The following MPHOSPH8 variants were observed in gnomAD, a reference collection of about 807,000 sequenced individuals.
The protein encoded by MPHOSPH8 is M-phase phosphoprotein 8.
MPHOSPH8 carries 45 observed loss-of-function variants against 87.3 expected under a neutral mutation model. That is an observed-to-expected ratio of 0.52 (90% CI 0.41 to 0.66). The LOEUF is 0.66. Ranked by LOEUF, MPHOSPH8 falls within the 30% of genes least tolerant of loss-of-function variation. The pLI is 0.00. For synonymous variants in MPHOSPH8, 366 were observed against 376.9 expected (o/e 0.97, Z 0.33); for missense variants, 883 against 1,020.2 (o/e 0.87, Z 1.83).
chr13:19,642,067 T>A, intron 1 of MPHOSPH8, 48 bp from the exon 2 acceptor site: 1,107 of 907,726 alleles, frequency 1.2e-3, no homozygotes, highest in Non-Finnish European at 1.6e-3. Context: ...GGAAATTTAA[T>A]CAAGTTAGCA....
intron 5 of MPHOSPH8, among the ~76,000 whole-genome samples, chr13:19,650,927 G>C (rs1269286147): frequency 6.6e-6 from 1 of 152,214 alleles, no homozygotes; most frequent in African/African-American, 2.4e-5. Context: ...ATGTGCTTTT[G>C]GATATATTGC....
chr13:19,671,278 C>A lies in MPHOSPH8; in HGVS notation c.2530C>A (p.Pro844Thr). The A allele has an allele frequency of 6.2e-7, 1 of 1,612,722 alleles. No individual in the cohort carries two copies. The highest frequency in any genetic ancestry group is 1.1e-5 in the South Asian group (1 of 91,044). ...ACTCTTCATAAGGTTGACAGAAGCA[C>A]CCTCTGCCAAGGTGACAGTCCTTTC... ...NKLFIRLTEAPSAKVKLLIGA... is the reference protein window; with the variant it reads ...NKLFIRLTEATSAKVKLLIGA... Residue 844 changes from proline to threonine, a missense_variant, in exon 13 of 14, where the codon CCC becomes ACC. Physicochemically the swap from Pro to Thr is conservative, Grantham distance 38 (BLOSUM62 -1). Around this residue, in one of 3 missense-constraint regions of MPHOSPH8, gnomAD observed 741 missense variants for 841.5 expected, o/e 0.88. Coordinates refer to ENST00000361479, the MANE Select transcript of MPHOSPH8 (RefSeq NM_017520.4).
intron 8 of MPHOSPH8, among the ~76,000 whole-genome samples, 160 bp from the exon 9 acceptor site, chr13:19,662,880 C>G (rs1283869781): frequency 6.6e-6 from 1 of 152,182 alleles, no homozygotes; most frequent in South Asian, 2.1e-4. Flanking sequence ...CTCTGTGGGG[C>G]GGGGTGCACC....
chr13:19,661,847 C>T lies in MPHOSPH8; in HGVS notation c.1932+9C>T. 6.3e-7 allele frequency: 1 copy of T among 1,599,114 alleles called. No individual in the cohort carries two copies. The highest frequency in any genetic ancestry group is 8.5e-7 in the Non-Finnish European group (1 of 1,171,626). On this transcript the variant is annotated intron_variant, in intron 8 of 13. Transcript: ENST00000361479. ...TTCATGCTGCAGAGAAGGTTTGTGG[C>T]TTCTTATGCATCAGTTTCAGAGCTT...
chr13:19,633,784 A>G lies in MPHOSPH8; in HGVS notation c.36A>G (p.Ala12=), dbSNP rs748221226. 1.4e-5 allele frequency: 22 copies of G among 1,606,416 alleles called. No homozygotes were observed. The highest frequency in any genetic ancestry group is 1.8e-5 in the Non-Finnish European group (21 of 1,177,134). ...TTGCGGAGGGAGCAAGGGTGACCGC[A>G]GTCCCTGTGTCAGCTGCCGACAGCA... The part of the protein sequence containing the change: ...EQVAEGARVT[A]VPVSAADSTE... The change falls in exon 1 of 14, where the codon GCA becomes GCG. Residue 12 remains alanine (A), a synonymous_variant. Transcript: ENST00000361479.
intron 3 of MPHOSPH8, among the ~76,000 whole-genome samples, 191 bp from the exon 4 acceptor site, chr13:19,648,231 G>A (rs1874669617): frequency 6.6e-6 from 1 of 151,306 alleles, no homozygotes; most frequent in South Asian, 2.1e-4. Flanking sequence ...TTGATATTTT[G>A]TGAATTATTA....
At chr13:19,649,049 G>A (rs1874714163) in intron 4 of MPHOSPH8, among the ~76,000 whole-genome samples, 1 of 152,226 alleles carries the variant, frequency 6.6e-6, no homozygotes, top group Non-Finnish European at 1.5e-5. Context: ...AAAGCTGTAT[G>A]TAACTGAAGT....
chr13:19,663,126 G>T lies in MPHOSPH8; in HGVS notation c.2019G>T (p.Lys673Asn). The change falls in exon 9 of 14, where the codon AAG (lysine) becomes AAT (asparagine). Residue 673 changes from lysine to asparagine, a missense_variant and splice_region_variant. Coordinates refer to ENST00000361479, the MANE Select transcript of MPHOSPH8 (RefSeq NM_017520.4). ...QQSNGETALM[K>N]ACKRGNSDIV... ...GCAATGGTGAGACTGCACTGATGAAGGTAAATCCCTCCTGCAGGTCATCCC... is the reference window on the plus strand; with the variant it reads ...GCAATGGTGAGACTGCACTGATGAATGTAAATCCCTCCTGCAGGTCATCCC... 6.2e-7 allele frequency: 1 copy of T among 1,611,834 alleles called. No homozygotes were observed. Among genetic ancestry groups the T allele is most frequent in the Non-Finnish European group, 8.5e-7 (1 of 1,178,048 alleles).
At chr13:19,643,514 G>C (rs929006936) in intron 2 of MPHOSPH8, among the ~76,000 whole-genome samples, 2 of 152,012 alleles carry the variant, frequency 1.3e-5, no homozygotes, top group African/African-American at 4.8e-5. Context: ...CCAAAGTGTT[G>C]GTTGGGATTA....
chr13:19,661,572 C>G (rs1037877172), intron 7 of MPHOSPH8, 126 bp from the exon 8 acceptor site: 1 of 964,706 alleles, frequency 1.0e-6, no homozygotes, highest in Non-Finnish European at 1.5e-6. Flanking sequence ...AGTGAAAATC[C>G]TAAGTAGATG....
Position 19,648,468 on chromosome 13 carries a change from G to C in MPHOSPH8, c.1265G>C (p.Arg422Thr). The C allele has an allele frequency of 1.3e-6, 2 of 1,585,878 alleles. No individual in the cohort carries two copies. Among genetic ancestry groups the C allele is most frequent in the East Asian group, 4.7e-5 (2 of 42,662 alleles). Residue 422 changes from arginine (R) to threonine (T), a missense_variant, in exon 4 of 14, where the codon AGG becomes ACG. Transcript: ENST00000361479. ...GAATCCAAAGAAAAATATCAGAAAAGGCATGATTCTGACAAGGAAGAAAAA... is the reference window on the plus strand; with the variant it reads ...GAATCCAAAGAAAAATATCAGAAAACGCATGATTCTGACAAGGAAGAAAAA... ...RNESKEKYQKRHDSDKEEKGR... is the reference protein window; with the variant it reads ...RNESKEKYQKTHDSDKEEKGR...
intron 5 of MPHOSPH8, among the ~76,000 whole-genome samples, chr13:19,653,908 T>G (rs1211793202): frequency 6.6e-6 from 1 of 152,190 alleles, no homozygotes; most frequent in East Asian, 1.9e-4. Context: ...TGGAACTATG[T>G]GCAAAGACCA....
intron 9 of MPHOSPH8, among the ~76,000 whole-genome samples, chr13:19,665,026 CG>C (rs1031474817): frequency 8.6e-5 from 13 of 152,034 alleles, no homozygotes; most frequent in Non-Finnish European, 1.5e-4. Context: ...AGAAGGCAGG[CG>C]GGAGTGCCCC....
chr13:19,639,194 G>T (rs1874157872), intron 1 of MPHOSPH8, among the ~76,000 whole-genome samples: 1 of 152,098 alleles, frequency 6.6e-6, no homozygotes, highest in South Asian at 2.1e-4. Flanking sequence ...GGCTATTTTG[G>T]CTAGTCACCC....
rs1876114356 is a variant in MPHOSPH8, at chr13:19,671,309, AT to A, written c.2541+23del. 1.3e-6 allele frequency: 2 copies of A among 1,587,938 alleles called. No homozygotes were observed. The highest frequency in any genetic ancestry group is 4.5e-5 in the East Asian group (2 of 44,762). ...GCCAAGGTGACAGTCCTTTCTTCAC[AT>A]TTAGTGTCACTACTCAAGTTGTTGC... On this transcript the variant is annotated intron_variant, in intron 13 of 13. Coordinates refer to ENST00000361479, the MANE Select transcript of MPHOSPH8 (RefSeq NM_017520.4).
At chr13:19,640,684 G>C (rs1263786007) in intron 1 of MPHOSPH8, among the ~76,000 whole-genome samples, 1 of 152,002 alleles carries the variant, frequency 6.6e-6, no homozygotes, top group Non-Finnish European at 1.5e-5. Flanking sequence ...ATCAACCCTG[G>C]AAATGGCTAG....
rs375436397 is a variant in MPHOSPH8, at chr13:19,668,548, C to G, written c.2329+17C>G. The stretch of plus-strand genomic sequence containing the variant: ...TACCAGAAGGTAAGCCGATGCCTCC[C>G]TTCACACTTTTCTATGTGAAGTGTG... On this transcript the variant is annotated intron_variant, in intron 11 of 13. Transcript: ENST00000361479. 27 of 1,605,266 alleles carry G rather than the reference C, an allele frequency of 1.7e-5. No homozygotes were observed. The highest frequency in any genetic ancestry group is 2.7e-5 in the African/African-American group (2 of 74,530).
In MPHOSPH8 at chr13:19,664,512, G is replaced by T. The variant is rs114014366; in HGVS notation, c.2019+1386G>T. ...TGAAGAAGGGTAGAATCGGATTAGAGGGTTTTCATTTGTGTATTTTAATGC... is the reference window on the plus strand; with the variant it reads ...TGAAGAAGGGTAGAATCGGATTAGATGGTTTTCATTTGTGTATTTTAATGC... On this transcript the variant is annotated intron_variant, in intron 9 of 13. Transcript: ENST00000361479. Among the ~76,000 whole-genome samples, 1,379 of 152,314 alleles carry T rather than the reference G, an allele frequency of 9.1e-3. 21 individuals are homozygous for T. Among genetic ancestry groups the T allele is most frequent in the African/African-American group, 0.032 (1,311 of 41,550 alleles).
At chr13:19,666,688 G>C in intron 10 of MPHOSPH8, 109 bp downstream of exon 10, 1 of 944,852 alleles carries the variant, frequency 1.1e-6, no homozygotes, top group East Asian at 2.6e-5. Flanking sequence ...AAAACATCCA[G>C]CACAAGTCCT....
Sources: allele counts gnomAD v4.1 joint callset (sites outside exome capture counted in the v4.1 genomes callset), GRCh38; gene constraint gnomAD v4.1.1; regional missense constraint gnomAD v4.1.1; transcripts MANE v1.5; gene names NCBI Gene and HGNC (gene_info 2026-07-23, HGNC 2026-07-21).